Variants in NR3C1 observed in about 807,000 individuals in gnomAD.
NR3C1 encodes glucocorticoid receptor.
Under a neutral mutation model 74.0 loss-of-function variants are expected in NR3C1, and 14 were observed. That is an observed-to-expected ratio of 0.19 (90% CI 0.12 to 0.30). The LOEUF is 0.30. Ranked by LOEUF, NR3C1 falls within the 10% of genes least tolerant of loss-of-function variation. The pLI is 1.00. For synonymous variants in NR3C1, 308 were observed against 332.5 expected, an observed-to-expected ratio of 0.93 and a Z score of 0.80; for missense variants, 695 against 909.8, an observed-to-expected ratio of 0.76 and a Z score of 3.04.
At chr5:143,414,028 G>T (rs1404845778) in intron 1 of NR3C1, among the ~76,000 whole-genome samples, 1 of 152,118 alleles carries the variant, frequency 6.6e-6, no homozygotes, top group Non-Finnish European at 1.5e-5. Context: ...ATGTTTGTCA[G>T]CAATGGAAAG....
chr5:143,434,657 T>C, exon 1 of NR3C1: 1 of 985,418 alleles, frequency 1.0e-6, no homozygotes, highest in Non-Finnish European at 1.2e-6. Context: ...CTGCATTTTG[T>C]TCCTCCCCAT....
chr5:143,389,216 A>T lies in NR3C1; in HGVS notation c.1184+10440T>A, dbSNP rs61751254. 4.4e-3 allele frequency among the ~76,000 whole-genome samples: 665 copies of T among 152,200 alleles called. 2 individuals carry two copies. Among genetic ancestry groups the T allele is most frequent in the African/African-American group, 0.015 (634 of 41,544 alleles). On this transcript the variant is annotated intron_variant, in intron 2 of 8. Transcript: ENST00000394464. The stretch of plus-strand genomic sequence containing the variant: ...GAGTGCTCTCCATGCTGCTGGGGAT[A>T]TTCATCTTCTTCATCTCCATATGCC...
At chr5:143,357,387 A>G (rs1394343493) in intron 2 of NR3C1, among the ~76,000 whole-genome samples, 3 of 152,260 alleles carry the variant, frequency 2.0e-5, no homozygotes, top group Admixed American at 1.3e-4. Flanking sequence ...AAAACTATAT[A>G]TGGTATACAA....
rs1477383667 is a variant in NR3C1 at position 143,399,886 on chromosome 5, G to A, written c.954C>T (p.Ala318=). ...GANIIGNKMS[A]ISVHGVSTSG... ...AGGTACTCACACCATGAACAGAAATGGCAGACATTTTATTACCAATTATAT... is the reference window on the plus strand; with the variant it reads ...AGGTACTCACACCATGAACAGAAATAGCAGACATTTTATTACCAATTATAT... The change falls in exon 2 of 9, where the codon GCC becomes GCT. Residue 318 remains alanine (A), a synonymous_variant. Transcript: ENST00000394464. The A allele has an allele frequency of 2.5e-6, 4 of 1,614,138 alleles. No homozygotes were observed. Among genetic ancestry groups the A allele is most frequent in the East Asian group, 4.5e-5 (2 of 44,888 alleles).
At chr5:143,335,285 A>G (rs1356068299) in intron 2 of NR3C1, among the ~76,000 whole-genome samples, 1 of 152,236 alleles carries the variant, frequency 6.6e-6, no homozygotes, top group Non-Finnish European at 1.5e-5. Flanking sequence ...ACACTGAGGA[A>G]AACTCTCTGT....
intron 2 of NR3C1, among the ~76,000 whole-genome samples, chr5:143,393,242 G>T (rs75839648): frequency 6.6e-6 from 1 of 151,914 alleles, no homozygotes; most frequent in Non-Finnish European, 1.5e-5. Context: ...TCTTACATTC[G>T]ATAATCTATA....
chr5:143,384,910 A>G (rs1040995237), intron 2 of NR3C1, among the ~76,000 whole-genome samples: 1 of 152,170 alleles, frequency 6.6e-6, no homozygotes, highest in Non-Finnish European at 1.5e-5. Flanking sequence ...AACCCCATGT[A>G]TCTCCTCTGC....
At chr5:143,303,840 A>G (rs770964656) in intron 4 of NR3C1, among the ~76,000 whole-genome samples, 15 of 152,160 alleles carry the variant, frequency 9.9e-5, no homozygotes, top group African/African-American at 2.2e-4. Flanking sequence ...ATCTCAATAG[A>G]TGCAGAAAAA....
At chr5:143,405,093 C>A (rs925748678), upstream of NR3C1, 8 of 985,092 alleles carry the variant, frequency 8.1e-6, no homozygotes, top group East Asian at 9.1e-4. Context: ...CCCCAGCTCC[C>A]TTCCCCAGCT....
intron 2 of NR3C1, among the ~76,000 whole-genome samples, chr5:143,328,994 T>G (rs113784496): frequency 1.1e-3 from 173 of 152,346 alleles, no homozygotes; most frequent in African/African-American, 3.7e-3. Flanking sequence ...CCAAAGTCAC[T>G]TCCGCATTTT....
At chr5:143,353,551 C>T (rs1830581099) in intron 2 of NR3C1, among the ~76,000 whole-genome samples, 1 of 152,188 alleles carries the variant, frequency 6.6e-6, no homozygotes, top group African/African-American at 2.4e-5. Context: ...ATGAGAACAA[C>T]ATCCATCTTG....
chr5:143,399,735 C>T lies in NR3C1; in HGVS notation c.1105G>A (p.Gly369Arg), dbSNP rs746651917. 6.2e-7 allele frequency: 1 copy of T among 1,614,162 alleles called. No homozygotes were observed. Among genetic ancestry groups the T allele is most frequent in the Non-Finnish European group, 8.5e-7 (1 of 1,180,008 alleles). The part of the protein sequence containing the change: ...VGSENWNRCQ[G>R]SGDDNLTSLG... Reference sequence around the variant, plus strand: ...GAAGTCAAGTTGTCATCTCCAGATCCTTGGCACCTATTCCAATTTTCGGAA... The same window carrying T: ...GAAGTCAAGTTGTCATCTCCAGATCTTTGGCACCTATTCCAATTTTCGGAA... The change falls in exon 2 of 9, where the codon GGA (glycine) becomes AGA (arginine). Residue 369 changes from glycine (G) to arginine (R), a missense_variant. By Grantham distance (125) the Gly-to-Arg change is moderately radical. Coordinates refer to ENST00000394464, the MANE Select transcript of NR3C1 (RefSeq NM_000176.3).
At chr5:143,410,578 T>C (rs1356155625) in intron 1 of NR3C1, among the ~76,000 whole-genome samples, 1 of 152,222 alleles carries the variant, frequency 6.6e-6, no homozygotes, top group Admixed American at 6.5e-5. Context: ...CTTACTTGAA[T>C]GAGCCTGGGG....
intron 1 of NR3C1, among the ~76,000 whole-genome samples, chr5:143,424,059 T>TGTGGGG (rs376236683): frequency 4.6e-5 from 5 of 108,676 alleles, no homozygotes; most frequent in East Asian, 2.8e-4. Flanking sequence ...CTGGGGACTG[T>TGTGGGG]TGTGGGGTGT....
chr5:143,347,915 T>G (rs1829587773), intron 2 of NR3C1, among the ~76,000 whole-genome samples: 1 of 152,204 alleles, frequency 6.6e-6, no homozygotes, highest in Non-Finnish European at 1.5e-5. Flanking sequence ...CGGGCTCTCA[T>G]TTTTTTAAGT....
At chr5:143,426,979 C>T (rs1435446061) in intron 1 of NR3C1, among the ~76,000 whole-genome samples, 1 of 152,190 alleles carries the variant, frequency 6.6e-6, no homozygotes, top group African/African-American at 2.4e-5. Context: ...CTCATAAGTC[C>T]ATAAATCATA....
chr5:143,348,675 GAGA>G (rs1829716990), intron 2 of NR3C1, among the ~76,000 whole-genome samples: 1 of 152,112 alleles, frequency 6.6e-6, no homozygotes, highest in African/African-American at 2.4e-5. Flanking sequence ...TCCCATGTAC[GAGA>G]AGACTATGAT....
At chr5:143,367,323 AG>A (rs889063213) in intron 2 of NR3C1, among the ~76,000 whole-genome samples, 1 of 152,196 alleles carries the variant, frequency 6.6e-6, no homozygotes, top group Non-Finnish European at 1.5e-5. Context: ...TTAAACTGAA[AG>A]GTTTCCCCAC....
chr5:143,354,765 A>C (rs1830822954), intron 2 of NR3C1, among the ~76,000 whole-genome samples: 2 of 152,060 alleles, frequency 1.3e-5, no homozygotes, highest in Admixed American at 6.6e-5. Context: ...TCTACTAAAA[A>C]TACAAAAATT....
Sources: allele counts gnomAD v4.1 joint callset (sites outside exome capture counted in the v4.1 genomes callset), GRCh38; gene constraint gnomAD v4.1.1; transcripts MANE v1.5; gene names NCBI Gene and HGNC (gene_info 2026-07-23, HGNC 2026-07-21).